Variants in PDE11A observed in about 807,000 individuals in gnomAD.
PDE11A encodes dual 3',5'-cyclic-AMP and -GMP phosphodiesterase 11A.
Under a neutral mutation model 100.5 loss-of-function variants are expected in PDE11A, and 100 were observed. The observed-to-expected ratio is 1.00, with a 90% CI of 0.85 to 1.18. PDE11A has a LOEUF of 1.18. PDE11A is among the 50% of genes most tolerant of loss of function. The pLI is 0.00. For synonymous variants in PDE11A, 381 were observed against 420.8 expected, an observed-to-expected ratio of 0.91 and a Z score of 1.16; for missense variants, 1,141 against 1,152.6, an observed-to-expected ratio of 0.99 and a Z score of 0.15.
At chr2:178,025,012 G>T (rs1181527886) in intron 1 of PDE11A, among the ~76,000 whole-genome samples, 4 of 152,196 alleles carry the variant, frequency 2.6e-5, no homozygotes, top group Non-Finnish European at 2.9e-5. Context: ...GACACAGCAT[G>T]TGGCAACTAC....
chr2:177,688,087 C>T (rs532773503), intron 15 of PDE11A: 1 of 152,228 alleles, frequency 6.6e-6, no homozygotes, highest in African/African-American at 2.4e-5. Flanking sequence ...GTAGCATAAA[C>T]CTTTGGGCCA....
At chr2:178,024,938 T>G (rs552517193) in intron 1 of PDE11A, among the ~76,000 whole-genome samples, 127 of 152,282 alleles carry the variant, frequency 8.3e-4, no homozygotes, top group South Asian at 1.5e-3. Flanking sequence ...ACTTTCTTCA[T>G]AGAAAGAAGA....
intron 2 of PDE11A, among the ~76,000 whole-genome samples, chr2:177,952,517 C>T (rs189283588): frequency 6.6e-6 from 1 of 152,274 alleles, no homozygotes; most frequent in Non-Finnish European, 1.5e-5. Context: ...TAGGAACTGT[C>T]CTTTAGTTTC....
chr2:177,867,780 C>T (rs10174066), intron 5 of PDE11A, among the ~76,000 whole-genome samples: 15,597 of 152,136 alleles, frequency 0.1, 987 homozygotes, highest in African/African-American at 0.18. Flanking sequence ...TAGTACACTC[C>T]GGAATAAACA....
At chr2:177,821,977 T>C (rs1470471408) in intron 6 of PDE11A, among the ~76,000 whole-genome samples, 4 of 151,962 alleles carry the variant, frequency 2.6e-5, no homozygotes, top group Non-Finnish European at 5.9e-5. Flanking sequence ...GTATCTTCTA[T>C]ATTCTGGATA....
intron 2 of PDE11A, among the ~76,000 whole-genome samples, chr2:177,940,486 A>G (rs1021876899): frequency 3.3e-5 from 5 of 152,260 alleles, no homozygotes; most frequent in Non-Finnish European, 5.9e-5. Context: ...CTAAGAAGGT[A>G]GGATTTCAGC....
At chr2:177,703,789 G>A (rs1332659464) in intron 13 of PDE11A, among the ~76,000 whole-genome samples, 1 of 151,248 alleles carries the variant, frequency 6.6e-6, no homozygotes, top group South Asian at 2.1e-4. Flanking sequence ...TGGGGATGGG[G>A]ACGATAACAA....
upstream of PDE11A, among the ~76,000 whole-genome samples, chr2:178,077,256 CTTTCTTTT>C (rs1169088858): frequency 9.4e-4 from 62 of 66,304 alleles, no homozygotes; most frequent in Admixed American, 6.4e-3. Context: ...TCTTTTCTTT[CTTTCTTTT>C]TTTTTTTTTT....
intron 12 of PDE11A, among the ~76,000 whole-genome samples, chr2:177,713,233 T>C (rs1033484563): frequency 3.3e-5 from 5 of 152,126 alleles, no homozygotes; most frequent in African/African-American, 1.2e-4. Flanking sequence ...GGGCTCGAAC[T>C]CCTGACATCA....
chr2:177,638,744 G>C (rs1018341303), intron 19 of PDE11A, among the ~76,000 whole-genome samples: 6 of 152,074 alleles, frequency 3.9e-5, no homozygotes, highest in Non-Finnish European at 4.4e-5. Context: ...GGGCTAATTT[G>C]CTCCCACTAC....
chr2:178,030,875 T>C (rs1010876315), intron 1 of PDE11A, among the ~76,000 whole-genome samples: 20 of 151,816 alleles, frequency 1.3e-4, no homozygotes, highest in African/African-American at 2.7e-4. Flanking sequence ...AAGAAGAAAA[T>C]ATAAAAATAT....
intron 10 of PDE11A, among the ~76,000 whole-genome samples, chr2:177,752,339 A>G (rs1450162187): frequency 2.0e-5 from 3 of 152,126 alleles, no homozygotes; most frequent in Non-Finnish European, 4.4e-5. Flanking sequence ...GACTCTTATA[A>G]TGGTAACAAC....
At chr2:178,078,326 A>C (rs1164265205) in intron 2 of PDE11A, among the ~76,000 whole-genome samples, 1 of 152,164 alleles carries the variant, frequency 6.6e-6, no homozygotes, top group African/African-American at 2.4e-5. Context: ...TATAAACCAT[A>C]GAACACTTGG....
chr2:177,849,789 C>CAAAAAAAAAA (rs71010822), intron 5 of PDE11A, among the ~76,000 whole-genome samples: 1 of 143,526 alleles, frequency 7.0e-6, no homozygotes. Flanking sequence ...GACTCCATCT[C>CAAAAAAAAAA]AAAAAAAAAA....
At position 177,983,658 on chromosome 2, in the gene PDE11A, T is replaced by A. The variant is rs1408579454; in HGVS notation, c.1071+30644A>T. Reference sequence around the variant, plus strand: ...AAACATAAATGCATGAGAGTTTTGCTATTTGGTGGACTAAAGGAAACTTTT... The same window carrying A: ...AAACATAAATGCATGAGAGTTTTGCAATTTGGTGGACTAAAGGAAACTTTT... On this transcript the variant is annotated intron_variant, in intron 2 of 19. Coordinates refer to ENST00000286063, the MANE Select transcript of PDE11A (RefSeq NM_016953.4). Among the ~76,000 whole-genome samples, 3 of 152,214 alleles carry A rather than the reference T, an allele frequency of 2.0e-5. No individual in the cohort carries two copies. The East Asian group carries it at 5.8e-4, about 29-fold the overall frequency.
At chr2:177,719,881 A>C (rs10192928) in intron 12 of PDE11A, among the ~76,000 whole-genome samples, 5,481 of 152,210 alleles carry the variant, frequency 0.036, 312 homozygotes, top group African/African-American at 0.12. Context: ...TTAACAACAA[A>C]AAAAAAGGCC....
chr2:177,906,616 G>T (rs1163898376), intron 2 of PDE11A, among the ~76,000 whole-genome samples: 1 of 152,088 alleles, frequency 6.6e-6, no homozygotes, highest in Non-Finnish European at 1.5e-5. Context: ...AATGATTTTT[G>T]CAGATGTTTT....
intron 2 of PDE11A, among the ~76,000 whole-genome samples, chr2:177,905,920 C>A (rs2084778668): frequency 6.6e-6 from 1 of 152,208 alleles, no homozygotes; most frequent in Non-Finnish European, 1.5e-5. Context: ...CTACCCCTAA[C>A]AAAGACTTTC....
At chr2:177,977,675 C>G (rs2085827365) in intron 2 of PDE11A, among the ~76,000 whole-genome samples, 1 of 131,580 alleles carries the variant, frequency 7.6e-6, no homozygotes, top group African/African-American at 2.9e-5. Context: ...ATCACACTAC[C>G]TGACTTCAAA....
Sources: gnomAD v4.1 joint callset for allele counts (sites outside exome capture counted in the v4.1 genomes callset) on GRCh38, gnomAD v4.1.1 for gene constraint, MANE v1.5 for transcripts, NCBI Gene and HGNC (gene_info 2026-07-23, HGNC 2026-07-21) for gene names.